SFMBT1: variants seen among roughly 807,000 people sequenced by gnomAD.
SFMBT1 encodes Scm like with four mbt domains 1, also known as scm-like with four MBT domains protein 1.
A neutral mutation model predicts 108.7 loss-of-function variants in SFMBT1; 32 were observed. The observed-to-expected ratio is 0.29, with a 90% confidence interval of 0.22 to 0.40. SFMBT1 has a LOEUF of 0.40. SFMBT1 is among the 10% of genes least tolerant of loss of function. SFMBT1 has a pLI of 1.00. For synonymous variants in SFMBT1, 348 were observed against 369.5 expected, an observed-to-expected ratio of 0.94 and a Z score of 0.67; for missense variants, 816 against 1,059.6, an observed-to-expected ratio of 0.77 and a Z score of 3.19.
At chr3:53,024,539 T>C (rs1699420549) in intron 1 of SFMBT1, among the ~76,000 whole-genome samples, 2 of 151,542 alleles carry the variant, frequency 1.3e-5, no homozygotes, top group African/African-American at 2.4e-5. Context: ...TAACATCATC[T>C]GACTCACTTG....
At chr3:53,040,982 T>G (rs1463533922) in intron 1 of SFMBT1, among the ~76,000 whole-genome samples, 2 of 112,134 alleles carry the variant, frequency 1.8e-5, no homozygotes, top group East Asian at 2.4e-4. Flanking sequence ...TTTTTTTTTT[T>G]TTTTTTTTTT....
At chr3:52,960,381 T>C (rs1043516367) in intron 2 of SFMBT1, among the ~76,000 whole-genome samples, 1 of 151,980 alleles carries the variant, frequency 6.6e-6, no homozygotes, top group Non-Finnish European at 1.5e-5. Flanking sequence ...AAAATGAAAA[T>C]GCATGAAAAG....
At chr3:52,947,986 C>T (rs186636616) in intron 3 of SFMBT1, among the ~76,000 whole-genome samples, 2 of 152,308 alleles carry the variant, frequency 1.3e-5, no homozygotes, top group Admixed American at 6.5e-5. Context: ...CCGCCTGCCT[C>T]GGCCTCCCGA....
At chr3:53,035,934 T>A (rs1699856812) in intron 1 of SFMBT1, among the ~76,000 whole-genome samples, 1 of 152,232 alleles carries the variant, frequency 6.6e-6, no homozygotes, top group African/African-American at 2.4e-5. Flanking sequence ...TCAGCATTTT[T>A]GACAGTCTCA....
At chr3:53,017,443 C>T (rs1293707042) in intron 1 of SFMBT1, among the ~76,000 whole-genome samples, 1 of 152,108 alleles carries the variant, frequency 6.6e-6, no homozygotes, top group Non-Finnish European at 1.5e-5. Context: ...TTCCAGGATC[C>T]AGGGATGAAA....
At chr3:52,908,733 G>A (rs1399502143) in intron 17 of SFMBT1, among the ~76,000 whole-genome samples, 2 of 152,030 alleles carry the variant, frequency 1.3e-5, no homozygotes, top group African/African-American at 4.8e-5. Flanking sequence ...CACACGCCCA[G>A]CTAATTTGTG....
chr3:53,019,383 GT>G (rs144667307), intron 1 of SFMBT1, among the ~76,000 whole-genome samples: 3,986 of 122,066 alleles, frequency 0.033, 213 homozygotes, highest in African/African-American at 0.1. Flanking sequence ...GTGTGTGTGT[GT>G]GTGGGGGGGG....
In SFMBT1 at chr3:52,966,271, G is replaced by A. The variant is rs186551536; in HGVS notation, c.28+2830C>T. ...GGCAAAGCTTGCAGTGAGCCGAGCC[G>A]AGATGGCGCCACTGCACTGCAGCCT... On this transcript the variant is annotated intron_variant, in intron 2 of 20. Transcript: ENST00000394752. Among the ~76,000 whole-genome samples the A allele has an allele frequency of 1.6e-3, 225 of 143,812 alleles. 1 individual carries two copies. The highest frequency in any genetic ancestry group is 5.6e-3 in the African/African-American group (215 of 38,448). The allele number at this position is 143,812 out of a possible 152,430, so 94.3% of individuals were successfully genotyped here.
chr3:52,909,064 G>C (rs1433492400), intron 17 of SFMBT1, among the ~76,000 whole-genome samples: 1 of 152,018 alleles, frequency 6.6e-6, no homozygotes, highest in Non-Finnish European at 1.5e-5. Context: ...ATGTATTAAA[G>C]TAATATCAAA....
At chr3:53,012,323 A>G (rs59224641) in intron 1 of SFMBT1, among the ~76,000 whole-genome samples, 6,534 of 152,270 alleles carry the variant, frequency 0.043, 422 homozygotes, top group South Asian at 0.18. Context: ...AATAAGAAGT[A>G]GGCATTTAAG....
At chr3:53,040,566 T>C (rs1700006363) in intron 1 of SFMBT1, among the ~76,000 whole-genome samples, 1 of 151,616 alleles carries the variant, frequency 6.6e-6, no homozygotes, top group Non-Finnish European at 1.5e-5. Context: ...ATAATTAACC[T>C]TTCTCTAGAC....
intron 1 of SFMBT1, among the ~76,000 whole-genome samples, chr3:52,972,841 A>ACACACAC (rs1704394510): frequency 8.4e-6 from 1 of 118,852 alleles, no homozygotes; most frequent in African/African-American, 3.4e-5. Flanking sequence ...ATCTCTACTA[A>ACACACAC]ACACACACAC....
chr3:52,973,554 G>A (rs1383044053), intron 1 of SFMBT1, among the ~76,000 whole-genome samples: 1 of 152,014 alleles, frequency 6.6e-6, no homozygotes, highest in Admixed American at 6.6e-5. Context: ...AAACTACCAT[G>A]GAATTTTAAC....
In SFMBT1 at chr3:52,921,811, A is replaced by G; in HGVS notation, c.1152T>C (p.Phe384=). ...CCGCCTCGAGCTTCATGTTCTCCTT[A>G]AATTCATGTTCAGAAATTAACTAGA... is the stretch of plus-strand genomic sequence containing the variant. ...CFPPLISEHE[F]KENMKLEAVN... Residue 384 remains phenylalanine (F), a synonymous_variant, in exon 11 of 21, where the codon TTT becomes TTC. Coordinates refer to ENST00000394752, the MANE Select transcript of SFMBT1 (RefSeq NM_016329.4). The G allele has an allele frequency of 1.2e-6, 2 of 1,613,934 alleles. No individual in the cohort carries two copies. The highest frequency in any genetic ancestry group is 1.7e-6 in the Non-Finnish European group (2 of 1,180,004).
intron 1 of SFMBT1, among the ~76,000 whole-genome samples, chr3:52,982,791 G>C (rs1476652973): frequency 7.2e-6 from 1 of 139,048 alleles, no homozygotes; most frequent in Non-Finnish European, 1.5e-5. Flanking sequence ...CTAATAGATA[G>C]CACACCAGAG....
chr3:52,927,488 A>G (rs1250911451), intron 9 of SFMBT1, among the ~76,000 whole-genome samples: 1 of 152,230 alleles, frequency 6.6e-6, no homozygotes, highest in Non-Finnish European at 1.5e-5. Flanking sequence ...CTAATAACAT[A>G]TATAGACTGC....
chr3:53,007,775 GGAA>G, intron 1 of SFMBT1, among the ~76,000 whole-genome samples: 1 of 152,272 alleles, frequency 6.6e-6, no homozygotes. Flanking sequence ...AATTACAAAT[GGAA>G]GAATAATTTA....
intron 3 of SFMBT1, among the ~76,000 whole-genome samples, chr3:52,948,143 G>C (rs2581815): frequency 0.66 from 100,187 of 152,030 alleles, 34,094 homozygotes; most frequent in Non-Finnish European, 0.75. Flanking sequence ...CATACACCTG[G>C]AATTAATGAA....
intron 1 of SFMBT1, among the ~76,000 whole-genome samples, chr3:53,015,114 T>C (rs933845073): frequency 6.6e-6 from 1 of 150,652 alleles, no homozygotes; most frequent in Non-Finnish European, 1.5e-5. Context: ...GGAGGCTGAG[T>C]GGAAGGATCA....
Sources: gnomAD v4.1 joint callset for allele counts (sites outside exome capture counted in the v4.1 genomes callset) on GRCh38, gnomAD v4.1.1 for gene constraint, MANE v1.5 for transcripts, NCBI Gene and HGNC (gene_info 2026-07-23, HGNC 2026-07-21) for gene names.